The following ANO7 variants were observed in gnomAD, a reference collection of about 807,000 sequenced individuals.
The protein encoded by ANO7 is anoctamin-7.
Under a neutral mutation model 115.8 loss-of-function variants are expected in ANO7, and 114 were observed. The observed-to-expected ratio is 0.98, with a 90% CI of 0.85 to 1.15. The LOEUF is 1.15. ANO7 is among the 50% of genes most tolerant of loss of function. The probability of loss-of-function intolerance (pLI) is 0.00; values close to 1 mark genes in which losing one functional copy is unlikely to be tolerated. For synonymous variants in ANO7, 550 were observed against 498.2 expected (o/e 1.10, Z -1.38); for missense variants, 1,302 against 1,201.2 (o/e 1.08, Z -1.24).
At chr2:241,189,728 T>C (rs1320802799) in intron 1 of ANO7, among the ~76,000 whole-genome samples, 1 of 152,144 alleles carries the variant, frequency 6.6e-6, no homozygotes, top group East Asian at 1.9e-4. Flanking sequence ...TTTCTGGGCC[T>C]TCTCAGGCTC....
intron 3 of ANO7, among the ~76,000 whole-genome samples, chr2:241,193,286 T>C (rs145206670): frequency 1.3e-5 from 2 of 152,106 alleles, no homozygotes; most frequent in South Asian, 4.1e-4. Context: ...GTTGGGCAGG[T>C]CTTGAACTCC....
chr2:241,188,969 C>A lies in ANO7; in HGVS notation c.-8+203C>A, dbSNP rs1382044186. ...CAGTGCGGCTCTGGACGGGGTACAC[C>A]CAGCTGGGGTTGGCTTCCTGCCTGC... On this transcript the variant is annotated intron_variant, in intron 1 of 24. Transcript: ENST00000674324. This position sits in a 1 kb window ranked among gnomAD's most constrained non-coding sequence, Gnocchi z 4.3. 6.6e-6 allele frequency among the ~76,000 whole-genome samples: 1 copy of A among 152,206 alleles called. No homozygotes were observed. Among genetic ancestry groups the A allele is most frequent in the Non-Finnish European group, 1.5e-5 (1 of 68,032 alleles).
intron 22 of ANO7, 31 bp from the exon 23 acceptor site, chr2:241,223,631 G>A (rs1158573478): frequency 1.2e-6 from 2 of 1,606,290 alleles, no homozygotes; most frequent in Non-Finnish European, 1.7e-6. Flanking sequence ...TGGGCGTTTG[G>A]GTGGGCGTGA....
At chr2:241,214,681 G>A in intron 17 of ANO7, 124 bp from the exon 18 acceptor site, 1 of 795,568 alleles carries the variant, frequency 1.3e-6, no homozygotes, top group Non-Finnish European at 2.0e-6. Context: ...CAACCCTCCA[G>A]GTGCCCAAGG....
At chr2:241,216,346 C>G in intron 19 of ANO7, 108 bp downstream of exon 19, 4 of 1,354,150 alleles carry the variant, frequency 3.0e-6, no homozygotes, top group Non-Finnish European at 3.9e-6. Flanking sequence ...TGCATCTGCC[C>G]TGAAATGTGC....
chr2:241,215,351 T>C (rs1268213792), intron 18 of ANO7, among the ~76,000 whole-genome samples: 1 of 152,202 alleles, frequency 6.6e-6, no homozygotes, highest in Non-Finnish European at 1.5e-5. Flanking sequence ...AGGGACACCC[T>C]GACCACAAGG....
At chr2:241,233,197 G>A in the ANO7 span, among the ~76,000 whole-genome samples, 3 of 152,208 alleles carry the variant, frequency 2.0e-5, no homozygotes, top group Admixed American at 6.5e-5. This position sits in a 1 kb window ranked among gnomAD's most constrained non-coding sequence, Gnocchi z 4.3. Flanking sequence ...CCAGAGCCAG[G>A]AAAGACCAAG....
chr2:241,218,313 C>T lies in ANO7; in HGVS notation c.2253C>T (p.Arg751=), dbSNP rs1172105400. 2.6e-6 allele frequency: 4 copies of T among 1,530,956 alleles called. No homozygotes were observed. Among genetic ancestry groups the T allele is most frequent in the Non-Finnish European group, 2.6e-6 (3 of 1,146,574 alleles). The allele number at this position is 1,530,956 out of a possible 1,614,324, so 94.8% of individuals were successfully genotyped here. A position where few individuals can be genotyped will look rare whatever the true frequency, so the allele number is the denominator to read the frequency against. The change falls in exon 21 of 25, where the codon CGC becomes CGT. Residue 751 remains arginine, a synonymous_variant. Transcript: ENST00000674324. ...GGTGGACCCGCGCCCACGACCTGCG[C>T]GGCTTCCTCAACTTCACGCTGGCGC... ...YYRWTRAHDL[R]GFLNFTLARA...
chr2:241,212,779 G>A (rs1385194974), intron 17 of ANO7, 153 bp downstream of exon 17: 14 of 781,500 alleles, frequency 1.8e-5, no homozygotes, highest in Non-Finnish European at 2.7e-5. Flanking sequence ...ACCACTCAGG[G>A]CTCCCAGCCT....
At chr2:241,235,007 T>G in the ANO7 span, 30 of 1,324,700 alleles carry the variant, frequency 2.3e-5, no homozygotes, top group Non-Finnish European at 3.1e-5. Context: ...GCATCTCACC[T>G]CCAGCCAGAT....
At chr2:241,198,122 C>G (rs954453003) in intron 4 of ANO7, among the ~76,000 whole-genome samples, 4 of 152,168 alleles carry the variant, frequency 2.6e-5, no homozygotes, top group African/African-American at 7.2e-5. Context: ...GTCCTGCGTC[C>G]GACTCCCCTC....
At position 241,190,051 on chromosome 2, in the gene ANO7, G is replaced by A; in HGVS notation, c.-7-6G>A. On this transcript the variant is annotated splice_polypyrimidine_tract_variant and splice_region_variant and intron_variant, in intron 1 of 24. Transcript: ENST00000674324. ...CCCCATCCCCACCCGGCCTTGCTGG[G>A]TGCAGGAGCAGGATGCTGCGGCGAC... is the stretch of plus-strand genomic sequence containing the variant. The A allele has an allele frequency of 6.4e-7, 1 of 1,564,980 alleles. No homozygotes were observed. The highest frequency in any genetic ancestry group is 1.7e-4 in the Middle Eastern group (1 of 5,764).
intron 2 of ANO7, 108 bp downstream of exon 2, chr2:241,190,279 G>A (rs1196792356): frequency 3.2e-6 from 3 of 952,248 alleles, no homozygotes; most frequent in African/African-American, 1.7e-5. Context: ...GCATCACCGT[G>A]TTTCTCCTGC....
chr2:241,209,249 C>T (rs1404223802), intron 11 of ANO7, 36 bp from the exon 12 acceptor site: 1 of 1,533,480 alleles, frequency 6.5e-7, no homozygotes, highest in African/African-American at 1.4e-5. Flanking sequence ...GCCTCCAGTC[C>T]CAAGCAAGTC....
rs371800035 is a variant in ANO7, at chr2:241,188,748, C to T, written c.-26C>T. 2.5e-6 allele frequency: 4 copies of T among 1,613,294 alleles called. No homozygotes were observed. In the African/African-American group the frequency reaches 5.3e-5, roughly 22 times the overall value. On this transcript the variant is annotated 5_prime_UTR_variant, in exon 1 of 25. Transcript: ENST00000674324. This position sits in a 1 kb window ranked among gnomAD's most constrained non-coding sequence, Gnocchi z 4.3. ...TGGGCCATGACCTCCGAGACCTCTT[C>T]CGGAAGCCACTGTGCCAGGTGGGGA...
In ANO7 at chr2:241,225,035, T is replaced by C. The variant is rs1024917781; in HGVS notation, c.*882T>C. The C allele has an allele frequency of 1.3e-5, 2 of 152,334 alleles. No individual in the cohort carries two copies. Among genetic ancestry groups the C allele is most frequent in the Non-Finnish European group, 2.9e-5 (2 of 68,038 alleles). 9.4% of individuals were successfully genotyped at this position (152,334 alleles called of 1,614,324 possible). On this transcript the variant is annotated 3_prime_UTR_variant, in exon 25 of 25. Coordinates refer to ENST00000674324, the MANE Select transcript of ANO7 (RefSeq NM_001370694.2). ...TCCCCCAGAAGTTTGTGTTCATACA[T>C]AATTGTTTTCCACGCTGGATCATAA...
At chr2:241,235,390 A>G in the ANO7 span, 6 of 1,471,502 alleles carry the variant, frequency 4.1e-6, no homozygotes, top group Middle Eastern at 5.4e-4. Flanking sequence ...TCCGAGCAGG[A>G]GGAGGCAGAG....
At position 241,203,239 on chromosome 2, in the gene ANO7, C is replaced by A; in HGVS notation, c.724-94C>A. 9.8e-7 allele frequency: 1 copy of A among 1,019,980 alleles called. No individual in the cohort carries two copies. Among genetic ancestry groups the A allele is most frequent in the Non-Finnish European group, 1.4e-6 (1 of 733,028 alleles). The allele number at this position is 1,019,980 out of a possible 1,614,324, so 63.2% of individuals were successfully genotyped here. Reference sequence around the variant, plus strand: ...AGCAATCCCAGACTCCCAGGCCTGTCTGCCCATGTCCCACACTGAAGCCCC... The same window carrying A: ...AGCAATCCCAGACTCCCAGGCCTGTATGCCCATGTCCCACACTGAAGCCCC... On this transcript the variant is annotated intron_variant, in intron 8 of 24. Coordinates refer to ENST00000674324, the MANE Select transcript of ANO7 (RefSeq NM_001370694.2). This position sits in a 1 kb window ranked among gnomAD's most constrained non-coding sequence, Gnocchi z 4.8.
intron 18 of ANO7, 105 bp downstream of exon 18, chr2:241,215,007 G>A (rs372328311): frequency 9.2e-7 from 1 of 1,083,274 alleles, no homozygotes; most frequent in Non-Finnish European, 1.3e-6. Flanking sequence ...AAGAGGTGAA[G>A]GGAAGGCACC....
Sources: gnomAD v4.1 joint callset for allele counts (sites outside exome capture counted in the v4.1 genomes callset) on GRCh38, gnomAD v4.1.1 for gene constraint, Gnocchi (gnomAD v3.1) non-coding constraint, MANE v1.5 for transcripts, NCBI Gene and HGNC (gene_info 2026-07-23, HGNC 2026-07-21) for gene names.